UBASH3B: variants seen among roughly 807,000 people sequenced by gnomAD.
UBASH3B encodes ubiquitin-associated and SH3 domain-containing protein B.
In UBASH3B, 37 loss-of-function variants were observed where a neutral mutation model predicts 83.4. The ratio of observed to expected loss-of-function variants is 0.44; its 90% CI spans 0.34 to 0.58. The LOEUF is 0.58. UBASH3B is among the 20% of genes least tolerant of loss of function. The probability of loss-of-function intolerance (pLI) is 0.01; values close to 1 mark genes in which losing one functional copy is unlikely to be tolerated. For synonymous variants in UBASH3B, 304 were observed against 318.3 expected (o/e 0.96, Z 0.48); for missense variants, 657 against 827.2 (o/e 0.79, Z 2.52).
intron 1 of UBASH3B, among the ~76,000 whole-genome samples, chr11:122,718,807 C>G (rs1029582304): frequency 6.6e-6 from 1 of 152,066 alleles, no homozygotes; most frequent in Non-Finnish European, 1.5e-5. Context: ...AATTCCTCCA[C>G]GTGACTTGGG....
intron 1 of UBASH3B, among the ~76,000 whole-genome samples, chr11:122,664,811 G>A (rs1035624312): frequency 6.6e-6 from 1 of 152,190 alleles, no homozygotes; most frequent in African/African-American, 2.4e-5. Context: ...GCAGTTCTCC[G>A]GAGGAAAAGG....
At chr11:122,781,740 G>T (rs1860860310) in intron 4 of UBASH3B, among the ~76,000 whole-genome samples, 1 of 152,228 alleles carries the variant, frequency 6.6e-6, no homozygotes. Flanking sequence ...ATATCATCAA[G>T]TAGATTTAGT....
rs187195391 is a variant in UBASH3B at position 122,765,911 on chromosome 11, C to T, written c.162-10308C>T. Among the ~76,000 whole-genome samples, 5 of 152,322 alleles carry T rather than the reference C, an allele frequency of 3.3e-5. No individual in the cohort carries two copies. In the East Asian group the frequency reaches 5.8e-4, roughly 18 times the overall value. On this transcript the variant is annotated intron_variant, in intron 1 of 13. Coordinates refer to ENST00000284273, the MANE Select transcript of UBASH3B (RefSeq NM_032873.5). Reference sequence around the variant, plus strand: ...TGCCATTGCCTGTGGCCACTCTGCACATCATTTCCTGCTCAGCTTAAAATT... The same window carrying T: ...TGCCATTGCCTGTGGCCACTCTGCATATCATTTCCTGCTCAGCTTAAAATT...
intron 1 of UBASH3B, among the ~76,000 whole-genome samples, chr11:122,695,461 G>T (rs747750823): frequency 4.1e-4 from 62 of 152,212 alleles, no homozygotes; most frequent in Non-Finnish European, 6.9e-4. Context: ...CTGCAAACAT[G>T]CTGAGTCCTC....
chr11:122,807,956 C>A, intron 12 of UBASH3B, 111 bp from the exon 13 acceptor site: 1 of 805,292 alleles, frequency 1.2e-6, no homozygotes, highest in Non-Finnish European at 2.2e-6. Context: ...GGCAAATTGT[C>A]TTCTTGAGTG....
chr11:122,749,970 T>C (rs190974684), intron 1 of UBASH3B, among the ~76,000 whole-genome samples: 1 of 152,208 alleles, frequency 6.6e-6, no homozygotes. Context: ...TGGCCTCAAG[T>C]GATATGCCGG....
At chr11:122,774,638 T>G (rs987871218) in intron 1 of UBASH3B, among the ~76,000 whole-genome samples, 1 of 152,196 alleles carries the variant, frequency 6.6e-6, no homozygotes, top group African/African-American at 2.4e-5. Flanking sequence ...GGGGAAAGGA[T>G]GCTTGCAGAG....
rs1861256259 is a variant in UBASH3B at position 122,801,346 on chromosome 11, A to G, written c.1595+14A>G. ...TACAACCTACAGGTAAGCCTCGGAA[A>G]CTGCTGCTTACTGAGGCCAGTGTGG... On this transcript the variant is annotated intron_variant, in intron 11 of 13. Transcript: ENST00000284273. The G allele has an allele frequency of 1.2e-6, 2 of 1,612,406 alleles. No individual in the cohort carries two copies. Among genetic ancestry groups the G allele is most frequent in the Admixed American group, 1.7e-5 (1 of 59,990 alleles).
intron 1 of UBASH3B, among the ~76,000 whole-genome samples, chr11:122,772,036 T>G (rs915220013): frequency 1.3e-5 from 2 of 152,246 alleles, no homozygotes; most frequent in African/African-American, 4.8e-5. Context: ...GAACTCTAAC[T>G]ACCTCAAGCT....
At chr11:122,765,835 G>A (rs1269308042) in intron 1 of UBASH3B, among the ~76,000 whole-genome samples, 3 of 152,142 alleles carry the variant, frequency 2.0e-5, no homozygotes, top group Non-Finnish European at 4.4e-5. Context: ...TGTGGCTTTA[G>A]TGTCTTCACC....
intron 5 of UBASH3B, among the ~76,000 whole-genome samples, chr11:122,784,035 G>C (rs1860904269): frequency 6.6e-6 from 1 of 151,962 alleles, no homozygotes; most frequent in Admixed American, 6.6e-5. Flanking sequence ...CTGCCCCTGG[G>C]GTTCAAGCGA....
At chr11:122,757,236 GTGA>G (rs1200421770) in intron 1 of UBASH3B, among the ~76,000 whole-genome samples, 3 of 152,126 alleles carry the variant, frequency 2.0e-5, no homozygotes, top group East Asian at 3.9e-4. Flanking sequence ...TACCTCCAAG[GTGA>G]TGATATCAGG....
intron 1 of UBASH3B, among the ~76,000 whole-genome samples, chr11:122,740,194 C>T (rs920811902): frequency 1.1e-4 from 16 of 152,164 alleles, no homozygotes; most frequent in Non-Finnish European, 2.9e-5. Flanking sequence ...GATCTAAAGA[C>T]ATAATTTAAG....
intron 1 of UBASH3B, among the ~76,000 whole-genome samples, chr11:122,704,775 G>C (rs1268897095): frequency 6.6e-6 from 1 of 151,912 alleles, no homozygotes; most frequent in Non-Finnish European, 1.5e-5. Context: ...CTCCCAAACT[G>C]CTGGGATTAC....
chr11:122,749,772 C>T (rs1861172702), intron 1 of UBASH3B, among the ~76,000 whole-genome samples: 1 of 152,012 alleles, frequency 6.6e-6, no homozygotes, highest in Admixed American at 6.6e-5. Flanking sequence ...TCGCTCTGTC[C>T]CCCAGGCTGC....
intron 11 of UBASH3B, among the ~76,000 whole-genome samples, chr11:122,803,764 C>A (rs1861294129): frequency 6.6e-6 from 1 of 152,034 alleles, no homozygotes; most frequent in Non-Finnish European, 1.5e-5. Flanking sequence ...TGGACCACAG[C>A]AAGGTGGGGA....
At chr11:122,740,589 T>G (rs1267619700) in intron 1 of UBASH3B, among the ~76,000 whole-genome samples, 1 of 152,138 alleles carries the variant, frequency 6.6e-6, no homozygotes, top group East Asian at 1.9e-4. Context: ...CACTGATGCT[T>G]AGAGAGGTTG....
chr11:122,694,300 G>A (rs927369090), intron 1 of UBASH3B, among the ~76,000 whole-genome samples: 3 of 151,816 alleles, frequency 2.0e-5, no homozygotes, highest in Admixed American at 2.0e-4. Flanking sequence ...TTCCTTTTTT[G>A]TTTTGTTTTT....
chr11:122,754,656 C>T (rs1861254710), intron 1 of UBASH3B, among the ~76,000 whole-genome samples: 1 of 152,200 alleles, frequency 6.6e-6, no homozygotes, highest in Non-Finnish European at 1.5e-5. Flanking sequence ...TCCCTGAAGG[C>T]TGTTCTTCAT....
Sources: allele counts gnomAD v4.1 joint callset (sites outside exome capture counted in the v4.1 genomes callset), GRCh38; gene constraint gnomAD v4.1.1; transcripts MANE v1.5; gene names NCBI Gene and HGNC (gene_info 2026-07-23, HGNC 2026-07-21).